PREX1: variants seen among roughly 807,000 people sequenced by gnomAD.
The protein encoded by PREX1 is phosphatidylinositol-3,4,5-trisphosphate dependent Rac exchange factor 1, also known as phosphatidylinositol 3,4,5-trisphosphate-dependent Rac exchanger 1 protein.
A neutral mutation model predicts 198.3 loss-of-function variants in PREX1; 41 were observed. That is an observed-to-expected ratio of 0.21 (90% CI 0.16 to 0.27). The LOEUF (loss-of-function observed/expected upper bound fraction) is 0.27, where lower values mean the gene tolerates loss of function less well. Among genes scored for constraint, PREX1 ranks in the 10% least tolerant of loss-of-function variants. The probability of loss-of-function intolerance (pLI) is 1.00; values close to 1 mark genes in which losing one functional copy is unlikely to be tolerated. For synonymous variants in PREX1, 843 were observed against 887.2 expected, an observed-to-expected ratio of 0.95 and a Z score of 0.89; for missense variants, 1,620 against 2,200.7, an observed-to-expected ratio of 0.74 and a Z score of 5.28.
intron 16 of PREX1, among the ~76,000 whole-genome samples, chr20:48,659,690 G>T (rs2089575701): frequency 6.6e-6 from 1 of 152,178 alleles, no homozygotes; most frequent in African/African-American, 2.4e-5. Flanking sequence ...GGAGAGGCAA[G>T]GGAACAGAAA....
intron 33 of PREX1, among the ~76,000 whole-genome samples, chr20:48,634,472 A>G (rs1191143972): frequency 3.3e-5 from 5 of 152,198 alleles, no homozygotes; most frequent in Non-Finnish European, 5.9e-5. Flanking sequence ...GTTCATACAA[A>G]AAGAAACCCC....
intron 5 of PREX1, among the ~76,000 whole-genome samples, chr20:48,711,387 C>T (rs770744243): frequency 6.6e-5 from 10 of 152,176 alleles, no homozygotes; most frequent in Non-Finnish European, 1.2e-4. Flanking sequence ...GTCCCAGGTT[C>T]CCTGAAGTGG....
chr20:48,708,450 A>T, intron 5 of PREX1, 29 bp from the exon 6 acceptor site: 1 of 1,611,420 alleles, frequency 6.2e-7, no homozygotes, highest in Non-Finnish European at 8.5e-7. Context: ...GGGGAGAAGA[A>T]AGCAAGACAT....
At chr20:48,855,288 C>G in the PREX1 span, among the ~76,000 whole-genome samples, 48,538 of 151,992 alleles carry the variant, frequency 0.32, 8,003 homozygotes, top group African/African-American at 0.38. Flanking sequence ...AAGAAAGTGC[C>G]TATATCTTGG....
chr20:48,832,120 A>C (rs1166538968), upstream of PREX1, among the ~76,000 whole-genome samples: 1 of 149,554 alleles, frequency 6.7e-6, no homozygotes, highest in East Asian at 1.9e-4. Context: ...AAGAAAAAAA[A>C]AAAATTGCAG....
chr20:48,853,025 A>G, the PREX1 span, among the ~76,000 whole-genome samples: 4 of 152,198 alleles, frequency 2.6e-5, no homozygotes, highest in African/African-American at 9.7e-5. Flanking sequence ...ATTGCCTGGT[A>G]GAAGACACTA....
intron 3 of PREX1, 90 bp from the exon 4 acceptor site, chr20:48,734,740 G>A: frequency 9.0e-7 from 1 of 1,108,914 alleles, no homozygotes; most frequent in Non-Finnish European, 1.4e-6. Context: ...GGTAGGGTAG[G>A]GGTAAGGACT....
At chr20:48,871,904 A>C in the PREX1 span, among the ~76,000 whole-genome samples, 1 of 152,170 alleles carries the variant, frequency 6.6e-6, no homozygotes, top group South Asian at 2.1e-4. Flanking sequence ...TCACGCCTGT[A>C]ATCCCAGCAC....
intron 7 of PREX1, among the ~76,000 whole-genome samples, chr20:48,699,128 A>C (rs879412836): frequency 6.6e-6 from 1 of 152,176 alleles, no homozygotes; most frequent in Non-Finnish European, 1.5e-5. Flanking sequence ...TCCAGTGGTA[A>C]GGTTTCTCAC....
At chr20:48,681,749 G>A (rs2089753148) in intron 10 of PREX1, among the ~76,000 whole-genome samples, 1 of 151,590 alleles carries the variant, frequency 6.6e-6, no homozygotes, top group Non-Finnish European at 1.5e-5. Context: ...GCAGCACATG[G>A]GCAGGTAGGT....
At chr20:48,869,700 T>C in the PREX1 span, among the ~76,000 whole-genome samples, 1 of 152,188 alleles carries the variant, frequency 6.6e-6, no homozygotes, top group Non-Finnish European at 1.5e-5. Flanking sequence ...TGCAGGGACA[T>C]GGATGAAGCT....
At chr20:48,658,896 A>C (rs945041522) in intron 16 of PREX1, among the ~76,000 whole-genome samples, 11 of 152,008 alleles carry the variant, frequency 7.2e-5, no homozygotes, top group Non-Finnish European at 1.3e-4. Context: ...GCACGTACAA[A>C]GGTCCTGAGG....
At chr20:48,836,312 C>T in the PREX1 span, among the ~76,000 whole-genome samples, 2 of 152,040 alleles carry the variant, frequency 1.3e-5, no homozygotes, top group Middle Eastern at 3.2e-3. Context: ...TGGGGCTGGG[C>T]GAGATCACCC....
At chr20:48,728,343 A>G (rs2090018715) in intron 4 of PREX1, among the ~76,000 whole-genome samples, 1 of 152,264 alleles carries the variant, frequency 6.6e-6, no homozygotes. Flanking sequence ...AGCCTAAGGA[A>G]ATAAGCATGG....
At chr20:48,700,463 A>T (rs960056350) in intron 7 of PREX1, among the ~76,000 whole-genome samples, 2 of 152,228 alleles carry the variant, frequency 1.3e-5, no homozygotes, top group Non-Finnish European at 2.9e-5. Flanking sequence ...TAATAATTAC[A>T]TGTATAATTA....
At chr20:48,634,144 GTGGATGGA>G (rs985132974) in intron 33 of PREX1, among the ~76,000 whole-genome samples, 2 of 120,200 alleles carry the variant, frequency 1.7e-5, no homozygotes, top group Non-Finnish European at 3.7e-5. Context: ...ACATGGGTGG[GTGGATGGA>G]TGGATGGATG....
chr20:48,710,511 G>A (rs2089925551), intron 5 of PREX1, among the ~76,000 whole-genome samples: 1 of 152,180 alleles, frequency 6.6e-6, no homozygotes, highest in South Asian at 2.1e-4. Flanking sequence ...TTCTCGATTG[G>A]CAGATGCAAG....
the PREX1 span, among the ~76,000 whole-genome samples, chr20:48,862,793 ATATAT>A: frequency 1.8e-5 from 2 of 113,024 alleles, no homozygotes; most frequent in African/African-American, 6.3e-5. Flanking sequence ...AAAAAAAAAT[ATATAT>A]ATATATATAT....
At chr20:48,867,212 C>G in the PREX1 span, among the ~76,000 whole-genome samples, 2 of 152,170 alleles carry the variant, frequency 1.3e-5, no homozygotes, top group African/African-American at 4.8e-5. Flanking sequence ...AAGTGGGAAG[C>G]TCTTGGAGCT....
Sources: gnomAD v4.1 joint callset for allele counts (sites outside exome capture counted in the v4.1 genomes callset) on GRCh38, gnomAD v4.1.1 for gene constraint, MANE v1.5 for transcripts, NCBI Gene and HGNC (gene_info 2026-07-23, HGNC 2026-07-21) for gene names.